The following EXOC6 variants were observed in gnomAD, a reference collection of about 807,000 sequenced individuals.
EXOC6 encodes exocyst complex component 6, also known as SEC15-like 1.
In EXOC6, 60 loss-of-function variants were observed where a neutral mutation model predicts 112.5. The ratio of observed to expected loss-of-function variants is 0.53; its 90% confidence interval spans 0.43 to 0.66. The LOEUF is 0.66. EXOC6 is among the 30% of genes least tolerant of loss of function. The pLI, the probability that EXOC6 is intolerant of heterozygous loss-of-function variation, is 0.00. For synonymous variants in EXOC6, 295 were observed against 308.0 expected (o/e 0.96, Z 0.44); for missense variants, 855 against 957.1 (o/e 0.89, Z 1.41).
intron 19 of EXOC6, among the ~76,000 whole-genome samples, chr10:93,007,079 A>C (rs1457733024): frequency 2.6e-5 from 4 of 151,480 alleles, no homozygotes; most frequent in Non-Finnish European, 5.9e-5. Flanking sequence ...CTGCCTTATG[A>C]TAAAGATAAC....
chr10:92,905,671 A>G (rs868808103), intron 5 of EXOC6, among the ~76,000 whole-genome samples: 19 of 152,036 alleles, frequency 1.2e-4, no homozygotes, highest in Admixed American at 2.0e-4. Flanking sequence ...TCATGGGGGA[A>G]AAGCATCTTG....
chr10:93,029,898 GTTTTTCT>G (rs1590071897), intron 20 of EXOC6, among the ~76,000 whole-genome samples: 1 of 150,322 alleles, frequency 6.7e-6, no homozygotes, highest in African/African-American at 2.4e-5. Context: ...ATCTCATAGT[GTTTTTCT>G]TTTTTCTTTT....
intron 1 of EXOC6, among the ~76,000 whole-genome samples, chr10:92,858,022 T>TTCCCCCCCCCCCCC: frequency 9.9e-6 from 1 of 101,270 alleles, no homozygotes; most frequent in African/African-American, 3.6e-5. Flanking sequence ...GTTGACGGGT[T>TTCCCCCCCCCCCCC]CCCCCCCTCC....
chr10:92,848,651 A>T lies in EXOC6; in HGVS notation c.101+17A>T. 9 of 1,353,872 alleles carry T rather than the reference A, an allele frequency of 6.6e-6. No homozygotes were observed. Among genetic ancestry groups the T allele is most frequent in the Non-Finnish European group, 8.7e-6 (9 of 1,031,084 alleles). The allele number at this position is 1,353,872 out of a possible 1,614,324, so 83.9% of individuals were successfully genotyped here. A position where few individuals can be genotyped will look rare whatever the true frequency, so the allele number is the denominator to read the frequency against. On this transcript the variant is annotated intron_variant, in intron 1 of 21. Transcript: ENST00000260762. ...CACCCTCCGGTAAAGATCTCATCCC[A>T]CCGGGACTTCGGCCCCCCGCCCCAC...
intron 18 of EXOC6, among the ~76,000 whole-genome samples, chr10:92,989,140 A>G (rs1843129058): frequency 6.6e-6 from 1 of 152,056 alleles, no homozygotes. Flanking sequence ...ACATCTATTC[A>G]TCTTTGTATA....
chr10:92,946,013 G>A (rs149944483), intron 13 of EXOC6, among the ~76,000 whole-genome samples: 3 of 152,132 alleles, frequency 2.0e-5, no homozygotes, highest in Non-Finnish European at 4.4e-5. Context: ...GCTTGAGGCC[G>A]GGCACGGTGG....
intron 20 of EXOC6, among the ~76,000 whole-genome samples, chr10:93,042,619 G>A (rs1370773186): frequency 6.6e-6 from 1 of 152,136 alleles, no homozygotes; most frequent in Non-Finnish European, 1.5e-5. Context: ...AAATTTAGTA[G>A]GGCACAGACT....
At chr10:93,017,343 C>G (rs1240428263) in intron 20 of EXOC6, among the ~76,000 whole-genome samples, 1 of 151,780 alleles carries the variant, frequency 6.6e-6, no homozygotes, top group East Asian at 2.0e-4. Context: ...GTAATCCCAG[C>G]ACTTTGGAAG....
intron 20 of EXOC6, among the ~76,000 whole-genome samples, chr10:93,037,785 C>T (rs1282315589): frequency 6.6e-6 from 1 of 150,514 alleles, no homozygotes; most frequent in African/African-American, 2.4e-5. Flanking sequence ...GGTGCGGTGG[C>T]TCACGCCTGT....
intron 7 of EXOC6, among the ~76,000 whole-genome samples, chr10:92,919,282 T>C (rs1851293864): frequency 6.6e-6 from 1 of 151,226 alleles, no homozygotes; most frequent in African/African-American, 2.4e-5. Flanking sequence ...ATTTTGTTTT[T>C]ATCATTTTCC....
intron 20 of EXOC6, among the ~76,000 whole-genome samples, chr10:93,048,397 G>C (rs1358070210): frequency 6.6e-6 from 1 of 151,898 alleles, no homozygotes; most frequent in Admixed American, 6.6e-5. Context: ...AAAAAAAATT[G>C]ATAAGAATTT....
chr10:93,057,656 C>CT (rs1846609751), intron 21 of EXOC6, among the ~76,000 whole-genome samples: 1 of 151,866 alleles, frequency 6.6e-6, no homozygotes, highest in Non-Finnish European at 1.5e-5. Flanking sequence ...ATTCTGGGGG[C>CT]TGCTGGATAA....
At chr10:92,875,659 T>C (rs975720696) in intron 1 of EXOC6, among the ~76,000 whole-genome samples, 1 of 152,068 alleles carries the variant, frequency 6.6e-6, no homozygotes. Flanking sequence ...TATAGAAGAA[T>C]AGAGAGCAGA....
chr10:92,939,124 G>T (rs970320494), intron 12 of EXOC6, among the ~76,000 whole-genome samples: 5 of 152,134 alleles, frequency 3.3e-5, no homozygotes, highest in Non-Finnish European at 7.4e-5. Flanking sequence ...CAGATTATGG[G>T]ACATCTTGTG....
intron 1 of EXOC6, among the ~76,000 whole-genome samples, chr10:92,849,396 G>A (rs948973111): frequency 6.6e-6 from 1 of 152,192 alleles, no homozygotes; most frequent in Non-Finnish European, 1.5e-5. Flanking sequence ...TTTAAGAATA[G>A]TACTAGGTAA....
chr10:93,010,860 C>A (rs1280085738), intron 19 of EXOC6, among the ~76,000 whole-genome samples: 2 of 152,038 alleles, frequency 1.3e-5, no homozygotes, highest in African/African-American at 2.4e-5. Context: ...ATGCTCAGAG[C>A]AGATGGTGTG....
intron 4 of EXOC6, among the ~76,000 whole-genome samples, chr10:92,898,269 T>TA (rs34350548): frequency 0.75 from 108,838 of 145,868 alleles, 41,158 homozygotes; most frequent in African/African-American, 0.89. Context: ...AAATTAAAAT[T>TA]AAAAAAAAAA....
At chr10:92,847,835 CTTTTTTTTTTTT>C (rs3078184), upstream of EXOC6, among the ~76,000 whole-genome samples, 1 of 93,656 alleles carries the variant, frequency 1.1e-5, no homozygotes, top group African/African-American at 4.1e-5. Flanking sequence ...CGCCCTGGGC[CTTTTTTTTTTTT>C]TTTTTTTTTG....
At chr10:93,034,947 A>G (rs1845446221) in intron 20 of EXOC6, among the ~76,000 whole-genome samples, 1 of 152,204 alleles carries the variant, frequency 6.6e-6, no homozygotes, top group Non-Finnish European at 1.5e-5. Flanking sequence ...GCTTGACTAG[A>G]TATAGTAGCA....
Sources: allele counts gnomAD v4.1 joint callset (sites outside exome capture counted in the v4.1 genomes callset), GRCh38; gene constraint gnomAD v4.1.1; transcripts MANE v1.5; gene names NCBI Gene and HGNC (gene_info 2026-07-23, HGNC 2026-07-21).